The following RPS6KC1 variants were observed in gnomAD, a reference collection of about 807,000 sequenced individuals.
RPS6KC1 encodes ribosomal protein S6 kinase C1.
A neutral mutation model predicts 103.8 loss-of-function variants in RPS6KC1; 54 were observed. That is an observed-to-expected ratio of 0.52 (90% CI 0.42 to 0.65). The LOEUF (loss-of-function observed/expected upper bound fraction) is 0.65, where lower values mean the gene tolerates loss of function less well. Among genes scored for constraint, RPS6KC1 ranks in the 30% least tolerant of loss-of-function variants. The pLI is 0.00. For synonymous variants in RPS6KC1, 439 were observed against 438.7 expected (o/e 1.00, Z -0.01); for missense variants, 1,151 against 1,253.8 (o/e 0.92, Z 1.24).
At chr1:213,217,181 A>G (rs1192899628) in intron 8 of RPS6KC1, among the ~76,000 whole-genome samples, 1 of 151,794 alleles carries the variant, frequency 6.6e-6, no homozygotes, top group Non-Finnish European at 1.5e-5. Context: ...AAAAAATGAT[A>G]AAGGGGATAT....
intron 1 of RPS6KC1, among the ~76,000 whole-genome samples, chr1:213,055,954 G>T (rs912249579): frequency 5.3e-5 from 8 of 152,046 alleles, no homozygotes; most frequent in Non-Finnish European, 1.2e-4. Context: ...ACCCAGGCTC[G>T]AGTGCAGTGA....
At chr1:213,565,083 A>G in the RPS6KC1 span, among the ~76,000 whole-genome samples, 2 of 152,360 alleles carry the variant, frequency 1.3e-5, no homozygotes, top group East Asian at 3.9e-4. Flanking sequence ...AGTGAGTGAC[A>G]TACTACTAAA....
the RPS6KC1 span, among the ~76,000 whole-genome samples, chr1:213,851,969 A>G: frequency 6.6e-6 from 1 of 152,106 alleles, no homozygotes; most frequent in Non-Finnish European, 1.5e-5. Context: ...AACTCCTGGT[A>G]TAGCCTCTGT....
At chr1:213,397,567 A>G in the RPS6KC1 span, among the ~76,000 whole-genome samples, 1 of 145,926 alleles carries the variant, frequency 6.9e-6, no homozygotes. Flanking sequence ...TGCTGAGGCT[A>G]GCTCAAGAGT....
At chr1:213,333,737 C>T in the RPS6KC1 span, among the ~76,000 whole-genome samples, 1 of 152,184 alleles carries the variant, frequency 6.6e-6, no homozygotes, top group Non-Finnish European at 1.5e-5. Context: ...CGGCTCACTG[C>T]AACCTCTGCC....
the RPS6KC1 span, among the ~76,000 whole-genome samples, chr1:213,785,148 C>T: frequency 6.6e-6 from 1 of 152,296 alleles, no homozygotes; most frequent in East Asian, 1.9e-4. Flanking sequence ...TATTACACAG[C>T]ATTGTTGGGT....
At chr1:213,384,982 G>A in the RPS6KC1 span, among the ~76,000 whole-genome samples, 1 of 152,132 alleles carries the variant, frequency 6.6e-6, no homozygotes, top group Non-Finnish European at 1.5e-5. Flanking sequence ...CTGCCTGGGG[G>A]GCTGAATAAT....
intron 6 of RPS6KC1, among the ~76,000 whole-genome samples, chr1:213,167,516 G>C (rs1252773402): frequency 6.8e-6 from 1 of 147,670 alleles, no homozygotes; most frequent in African/African-American, 2.5e-5. Context: ...GGTCCTATTT[G>C]TTGAGTTGCT....
the RPS6KC1 span, among the ~76,000 whole-genome samples, chr1:213,558,296 A>G: frequency 2.6e-5 from 4 of 152,176 alleles, no homozygotes; most frequent in Admixed American, 2.0e-4. Context: ...GAACTTGCCA[A>G]CCACAAACCC....
chr1:213,467,224 G>A, the RPS6KC1 span, among the ~76,000 whole-genome samples: 1 of 152,144 alleles, frequency 6.6e-6, no homozygotes, highest in African/African-American at 2.4e-5. Flanking sequence ...TATACCAACT[G>A]AATTGGAATT....
chr1:213,280,962 C>G, the RPS6KC1 span, among the ~76,000 whole-genome samples: 1 of 152,108 alleles, frequency 6.6e-6, no homozygotes, highest in African/African-American at 2.4e-5. Context: ...TTTGATAGAA[C>G]AGGCTTTGCA....
chr1:213,397,166 C>T, the RPS6KC1 span, among the ~76,000 whole-genome samples: 3 of 152,286 alleles, frequency 2.0e-5, no homozygotes, highest in African/African-American at 4.8e-5. Flanking sequence ...CGTCCCACAT[C>T]GTGGCTCATT....
At chr1:213,665,185 G>A in the RPS6KC1 span, among the ~76,000 whole-genome samples, 1 of 144,702 alleles carries the variant, frequency 6.9e-6, no homozygotes, top group Non-Finnish European at 1.5e-5. Context: ...AAATAAAACT[G>A]TGGAAACAAG....
chr1:213,251,395 C>T (rs777216155), intron 12 of RPS6KC1, among the ~76,000 whole-genome samples: 4 of 152,164 alleles, frequency 2.6e-5, no homozygotes, highest in Non-Finnish European at 5.9e-5. Context: ...CGTGAGCCAC[C>T]GTTCCCAGCC....
the RPS6KC1 span, among the ~76,000 whole-genome samples, chr1:213,298,894 G>A: frequency 6.6e-6 from 1 of 152,000 alleles, no homozygotes; most frequent in African/African-American, 2.4e-5. Flanking sequence ...CCCCTTCATG[G>A]CTTACAATAT....
chr1:213,153,617 A>T (rs1200485448), intron 6 of RPS6KC1, among the ~76,000 whole-genome samples: 1 of 152,202 alleles, frequency 6.6e-6, no homozygotes, highest in Non-Finnish European at 1.5e-5. Context: ...TACACACCAC[A>T]TTACAGTGTT....
chr1:213,661,460 C>T, the RPS6KC1 span, among the ~76,000 whole-genome samples: 4 of 152,316 alleles, frequency 2.6e-5, no homozygotes, highest in South Asian at 2.1e-4. Flanking sequence ...GCACTGACCT[C>T]GCCTTTCAGT....
the RPS6KC1 span, among the ~76,000 whole-genome samples, chr1:213,807,359 A>G: frequency 4.8e-3 from 725 of 152,268 alleles, 8 homozygotes; most frequent in African/African-American, 0.017. Context: ...CTCCTGGATA[A>G]TATCCTGCAG....
intron 8 of RPS6KC1, among the ~76,000 whole-genome samples, chr1:213,225,467 G>T (rs1054399449): frequency 4.6e-5 from 7 of 151,860 alleles, no homozygotes; most frequent in Admixed American, 1.3e-4. Context: ...TCAATTCACT[G>T]CAACCTCCGC....
Sources: allele counts gnomAD v4.1 joint callset (sites outside exome capture counted in the v4.1 genomes callset), GRCh38; gene constraint gnomAD v4.1.1; transcripts MANE v1.5; gene names NCBI Gene and HGNC (gene_info 2026-07-23, HGNC 2026-07-21).